The following TBC1D32 variants were observed in gnomAD, a reference collection of about 807,000 sequenced individuals.
TBC1D32 encodes the protein TBC1 domain family member 32, also known as protein broad-minded.
In TBC1D32, 151 loss-of-function variants were observed where a neutral mutation model predicts 170.3. That is an observed-to-expected ratio of 0.89 (90% CI 0.78 to 1.01). The LOEUF (loss-of-function observed/expected upper bound fraction) is 1.01. TBC1D32 is among the 50% of genes least tolerant of loss of function. TBC1D32 has a pLI of 0.00. For synonymous variants in TBC1D32, 498 were observed against 488.0 expected (o/e 1.02, Z -0.27); for missense variants, 1,464 against 1,457.1 (o/e 1.00, Z -0.08).
intron 31 of TBC1D32, among the ~76,000 whole-genome samples, chr6:121,083,995 G>A (rs1343048418): frequency 6.6e-6 from 1 of 151,844 alleles, no homozygotes; most frequent in Admixed American, 6.6e-5. Context: ...AGCTCATTCC[G>A]ACCTCTGAGA....
At chr6:121,268,557 A>G (rs563886684) in intron 15 of TBC1D32, among the ~76,000 whole-genome samples, 12 of 152,304 alleles carry the variant, frequency 7.9e-5, no homozygotes, top group African/African-American at 2.2e-4. Flanking sequence ...AGAGAAGTTT[A>G]GAGAAAAGGA....
intron 21 of TBC1D32, among the ~76,000 whole-genome samples, chr6:121,219,757 T>C (rs1794281141): frequency 1.3e-5 from 2 of 152,254 alleles, no homozygotes; most frequent in South Asian, 2.1e-4. Flanking sequence ...ATATTTAAGA[T>C]GTGTAGCAAC....
At position 121,277,510 on chromosome 6, in the gene TBC1D32, A is replaced by AC. The variant is rs1563201509; in HGVS notation, c.1733+1610dup. ...CTCAAAAAAAAAAAAAAAAAAAAAA[A>AC]CCACAAGGGTCAAAGAAATCTCAAG... On this transcript the variant is annotated intron_variant, in intron 15 of 31. Coordinates refer to ENST00000398212, the MANE Select transcript of TBC1D32 (RefSeq NM_152730.6). 6.1e-5 allele frequency among the ~76,000 whole-genome samples: 9 copies of AC among 148,044 alleles called. 1 individual carries two copies. The highest frequency in any genetic ancestry group is 6.9e-5 in the Admixed American group (1 of 14,434).
intron 22 of TBC1D32, among the ~76,000 whole-genome samples, chr6:121,189,569 G>A (rs987401737): frequency 3.3e-5 from 5 of 151,532 alleles, no homozygotes; most frequent in Admixed American, 3.3e-4. Flanking sequence ...TTATGCACTA[G>A]AAAAAAATGC....
At chr6:121,177,544 C>T (rs1787943734) in intron 22 of TBC1D32, among the ~76,000 whole-genome samples, 1 of 152,084 alleles carries the variant, frequency 6.6e-6, no homozygotes, top group African/African-American at 2.4e-5. Context: ...TAAGAATGGA[C>T]TAATATAGTA....
intron 30 of TBC1D32, among the ~76,000 whole-genome samples, chr6:121,096,451 T>C (rs1043702813): frequency 2.0e-5 from 3 of 151,974 alleles, no homozygotes; most frequent in Non-Finnish European, 2.9e-5. Flanking sequence ...TCACAATTGC[T>C]ACAAAGAAAA....
chr6:121,185,160 G>GTAGA (rs1296096646), intron 22 of TBC1D32, among the ~76,000 whole-genome samples: 1 of 151,850 alleles, frequency 6.6e-6, no homozygotes, highest in Non-Finnish European at 1.5e-5. Context: ...AAGTAAATGA[G>GTAGA]TAGATATGCT....
At chr6:121,232,953 A>G (rs999490412) in intron 20 of TBC1D32, among the ~76,000 whole-genome samples, 6 of 152,096 alleles carry the variant, frequency 3.9e-5, no homozygotes, top group Non-Finnish European at 8.8e-5. Context: ...CCATCTTGAT[A>G]TCATTGTTGG....
chr6:121,171,964 G>C (rs11153999), intron 22 of TBC1D32, among the ~76,000 whole-genome samples: 58,503 of 151,844 alleles, frequency 0.39, 14,391 homozygotes, highest in Non-Finnish European at 0.56. Flanking sequence ...CAAAAGCATG[G>C]AGGAGGGAGA....
At chr6:121,236,147 G>A (rs1314484386) in intron 20 of TBC1D32, among the ~76,000 whole-genome samples, 2 of 133,192 alleles carry the variant, frequency 1.5e-5, no homozygotes, top group Non-Finnish European at 3.2e-5. Context: ...TTTTTTAATT[G>A]TAAAATTTAT....
At position 121,112,651 on chromosome 6, in the gene TBC1D32, G is replaced by A. The variant is rs1184219344; in HGVS notation, c.3178C>T (p.Gln1060Ter). 6.4e-7 allele frequency: 1 copy of A among 1,566,190 alleles called. No homozygotes were observed. Among genetic ancestry groups the A allele is most frequent in the Admixed American group, 1.9e-5 (1 of 53,346 alleles). Residue 1060 changes from glutamine (Q) to a stop codon, truncating the protein, a stop_gained, in exon 29 of 32, where the codon CAA (glutamine) becomes TAA (stop). Transcript: ENST00000398212. LOFTEE classifies it high-confidence loss of function. ...CAGTCATGGCCAGCATAATTCCCTTGCAGGCAGACTGAAAAACACAGTTAA... is the reference window on the plus strand; with the variant it reads ...CAGTCATGGCCAGCATAATTCCCTTACAGGCAGACTGAAAAACACAGTTAA... ...TSIKSSLLCL[Q>*]GNYAGHDWFV... is the part of the protein sequence containing the mutation.
At chr6:121,082,560 A>C (rs1392557863) in intron 31 of TBC1D32, among the ~76,000 whole-genome samples, 1 of 152,106 alleles carries the variant, frequency 6.6e-6, no homozygotes, top group East Asian at 1.9e-4. Flanking sequence ...GTTTCAGGAC[A>C]TATTATTTTC....
intron 17 of TBC1D32, among the ~76,000 whole-genome samples, chr6:121,247,694 G>C (rs907147139): frequency 2.0e-4 from 1 of 4,938 alleles, no homozygotes; most frequent in Non-Finnish European, 5.2e-4. Context: ...AGGCTTTAAA[G>C]CAAAAAAAAA....
rs1230847939 is a variant in TBC1D32 at position 121,321,790 on chromosome 6, C to T, written c.160G>A (p.Glu54Lys). ...EETDENFHNY[E>K]FVKYLRQHIG... Reference sequence around the variant, plus strand: ...TGCTGCCTGAGGTATTTCACAAATTCATAGCTGAAACAAATATTTAGAAAA... The same window carrying T: ...TGCTGCCTGAGGTATTTCACAAATTTATAGCTGAAACAAATATTTAGAAAA... The change falls in exon 2 of 32, where the codon GAA becomes AAA. Residue 54 changes from glutamate to lysine, a missense_variant. Coordinates refer to ENST00000398212, the MANE Select transcript of TBC1D32 (RefSeq NM_152730.6). 1 of 1,604,458 alleles carries T rather than the reference C, an allele frequency of 6.2e-7. No individual in the cohort carries two copies. The highest frequency in any genetic ancestry group is 8.5e-7 in the Non-Finnish European group (1 of 1,176,622).
chr6:121,240,359 T>TTC (rs1796806919), intron 19 of TBC1D32, among the ~76,000 whole-genome samples: 1 of 109,302 alleles, frequency 9.1e-6, no homozygotes, highest in African/African-American at 2.9e-5. Context: ...TTAGGACAAT[T>TTC]TTTTTTTTTT....
intron 22 of TBC1D32, chr6:121,170,410 G>C: frequency 6.3e-7 from 1 of 1,598,864 alleles, no homozygotes. Context: ...TTTACCTGTG[G>C]CTCTCAGAAA....
intron 13 of TBC1D32, among the ~76,000 whole-genome samples, chr6:121,282,760 G>C (rs1803205168): frequency 1.3e-5 from 2 of 151,666 alleles, no homozygotes; most frequent in Non-Finnish European, 3.0e-5. Context: ...TCCACATCAT[G>C]GTAAACCAAT....
At chr6:121,187,904 T>A (rs140863744) in intron 22 of TBC1D32, among the ~76,000 whole-genome samples, 61 of 152,270 alleles carry the variant, frequency 4.0e-4, no homozygotes, top group African/African-American at 1.4e-3. Flanking sequence ...CCCTCAAGAA[T>A]GTGAAAGCCT....
At chr6:121,215,658 C>CAAAAAA (rs35230917) in intron 21 of TBC1D32, among the ~76,000 whole-genome samples, 2 of 149,730 alleles carry the variant, frequency 1.3e-5, no homozygotes, top group Non-Finnish European at 3.0e-5. Flanking sequence ...AAGAAATTTG[C>CAAAAAA]AAAAAAAAAA....
Sources: allele counts gnomAD v4.1 joint callset (sites outside exome capture counted in the v4.1 genomes callset), GRCh38; gene constraint gnomAD v4.1.1; transcripts MANE v1.5; gene names NCBI Gene and HGNC (gene_info 2026-07-23, HGNC 2026-07-21).